ADAMTS18: variants seen among roughly 807,000 people sequenced by gnomAD.
ADAMTS18 encodes ADAM metallopeptidase with thrombospondin type 1 motif 18.
A neutral mutation model predicts 165.9 loss-of-function variants in ADAMTS18; 157 were observed. That is an observed-to-expected ratio of 0.95 (90% confidence interval 0.83 to 1.08). ADAMTS18 has a LOEUF of 1.08. Among genes scored for constraint, ADAMTS18 ranks in the 50% least tolerant of loss-of-function variants. The pLI, the probability that ADAMTS18 is intolerant of heterozygous loss-of-function variation, is 0.00. For synonymous variants in ADAMTS18, 782 were observed against 578.2 expected, an observed-to-expected ratio of 1.35 and a Z score of -5.06; for missense variants, 2,040 against 1,534.0, an observed-to-expected ratio of 1.33 and a Z score of -5.51.
At chr16:77,427,370 T>TA (rs1264084374) in intron 3 of ADAMTS18, among the ~76,000 whole-genome samples, 1 of 152,198 alleles carries the variant, frequency 6.6e-6, no homozygotes, top group African/African-American at 2.4e-5. Context: ...GAAATACAGG[T>TA]AAAAATTTTA....
At chr16:77,399,640 T>C (rs1487944803) in intron 3 of ADAMTS18, among the ~76,000 whole-genome samples, 1 of 152,336 alleles carries the variant, frequency 6.6e-6, no homozygotes, top group Admixed American at 6.5e-5. Flanking sequence ...GAAAACACTA[T>C]ACACTTCATA....
intron 10 of ADAMTS18, among the ~76,000 whole-genome samples, chr16:77,349,524 TAAA>T (rs767997537): frequency 1.4e-5 from 1 of 71,518 alleles, no homozygotes; most frequent in Non-Finnish European, 2.5e-5. Context: ...TCATCTTATG[TAAA>T]AAAAAAAAAA....
At chr16:77,303,445 A>C (rs1265117299) in intron 16 of ADAMTS18, among the ~76,000 whole-genome samples, 1 of 152,310 alleles carries the variant, frequency 6.6e-6, no homozygotes, top group East Asian at 1.9e-4. Flanking sequence ...CCAGTTGTTT[A>C]GGCCAAAATA....
chr16:77,433,016 T>C (rs1006274908), intron 2 of ADAMTS18, among the ~76,000 whole-genome samples: 1 of 152,212 alleles, frequency 6.6e-6, no homozygotes, highest in Non-Finnish European at 1.5e-5. Flanking sequence ...GACATACATA[T>C]TTTACAATAA....
At chr16:77,350,297 G>C (rs1031779360) in intron 10 of ADAMTS18, among the ~76,000 whole-genome samples, 16 of 152,166 alleles carry the variant, frequency 1.1e-4, no homozygotes, top group Non-Finnish European at 2.4e-4. Context: ...GGTTGGGAAA[G>C]GAGGGGAGGA....
intron 16 of ADAMTS18, among the ~76,000 whole-genome samples, chr16:77,302,340 C>CT (rs903574076): frequency 9.2e-5 from 14 of 151,840 alleles, no homozygotes; most frequent in East Asian, 3.9e-4. Flanking sequence ...CTTATTTTGC[C>CT]TTTTTTTTAT....
chr16:77,314,456 T>A (rs903800356), intron 16 of ADAMTS18, among the ~76,000 whole-genome samples: 2 of 151,080 alleles, frequency 1.3e-5, no homozygotes, highest in South Asian at 4.2e-4. Context: ...AAAAAACATA[T>A]ACAAAATTAG....
intron 3 of ADAMTS18, among the ~76,000 whole-genome samples, chr16:77,401,162 G>A (rs1311373825): frequency 6.6e-6 from 1 of 152,044 alleles, no homozygotes; most frequent in Non-Finnish European, 1.5e-5. Context: ...GTCTGAGGCA[G>A]GAGAATTGCT....
chr16:77,340,633 T>C (rs1055916615), intron 11 of ADAMTS18, among the ~76,000 whole-genome samples: 1 of 152,068 alleles, frequency 6.6e-6, no homozygotes, highest in African/African-American at 2.4e-5. Context: ...CAGGATGGAG[T>C]GCAGTGGCAT....
chr16:77,414,410 G>A (rs2057503518), intron 3 of ADAMTS18, among the ~76,000 whole-genome samples: 1 of 152,076 alleles, frequency 6.6e-6, no homozygotes, highest in South Asian at 2.1e-4. Context: ...AGACTCATGT[G>A]AAAAATAAAA....
chr16:77,347,948 G>C (rs536921939), intron 10 of ADAMTS18, among the ~76,000 whole-genome samples: 2 of 152,178 alleles, frequency 1.3e-5, no homozygotes, highest in East Asian at 3.9e-4. Flanking sequence ...CAAAGATATG[G>C]AAGTATTAAT....
chr16:77,354,263 A>G (rs2056597265), intron 9 of ADAMTS18, among the ~76,000 whole-genome samples: 2 of 152,226 alleles, frequency 1.3e-5, no homozygotes, highest in Admixed American at 1.3e-4. Flanking sequence ...TAAAGGTACA[A>G]AATAAACCAG....
At chr16:77,314,306 T>G (rs1035554446) in intron 16 of ADAMTS18, among the ~76,000 whole-genome samples, 3 of 152,044 alleles carry the variant, frequency 2.0e-5, no homozygotes, top group Non-Finnish European at 4.4e-5. Flanking sequence ...TTAATCTATT[T>G]TCTCCATTTT....
intron 2 of ADAMTS18, among the ~76,000 whole-genome samples, chr16:77,434,114 G>T (rs1251178739): frequency 2.0e-5 from 3 of 151,638 alleles, no homozygotes; most frequent in African/African-American, 7.3e-5. Context: ...CTTAGTTAAT[G>T]TCCACTTCCC....
chr16:77,316,223 C>G (rs898009878), intron 16 of ADAMTS18, among the ~76,000 whole-genome samples: 1 of 151,742 alleles, frequency 6.6e-6, no homozygotes, highest in African/African-American at 2.4e-5. Context: ...TACTTCTTGC[C>G]TCTCCAATCA....
rs985518164 is a variant in ADAMTS18 at position 77,399,415 on chromosome 16, T to A, written c.496-31692A>T. 3.3e-5 allele frequency among the ~76,000 whole-genome samples: 5 copies of A among 152,176 alleles called. 1 individual carries two copies. In the South Asian group the frequency reaches 1.0e-3, roughly 32 times the overall value. On this transcript the variant is annotated intron_variant, in intron 3 of 22. Coordinates refer to ENST00000282849, the MANE Select transcript of ADAMTS18 (RefSeq NM_199355.4). Reference sequence around the variant, plus strand: ...TCTTTTTCACTTAAATTCAGGTGAATGAAGCATTTATCTCTTAAAAGAAAG... The same window carrying A: ...TCTTTTTCACTTAAATTCAGGTGAAAGAAGCATTTATCTCTTAAAAGAAAG...
intron 3 of ADAMTS18, among the ~76,000 whole-genome samples, chr16:77,391,724 G>A (rs972989066): frequency 2.6e-5 from 4 of 151,870 alleles, no homozygotes; most frequent in Non-Finnish European, 5.9e-5. Context: ...ATGACAACAA[G>A]AACTACAACT....
rs1567478729 is a variant in ADAMTS18 at position 77,319,911 on chromosome 16, A to G, written c.2470T>C (p.Ser824Pro). ...FAGTTFEYQR[S>P]FNRPERLYAP... ...TACAGACGTTCCGGGCGGTTGAAAG[A>G]GCGCTGGTATTCAAACGTGGTCCCA... Residue 824 changes from serine (S) to proline (P), a missense_variant, in exon 16 of 23, where the codon TCT (serine) becomes CCT (proline). Ser to Pro is a moderately conservative substitution (Grantham distance 74). Transcript: ENST00000282849. The G allele has an allele frequency of 6.2e-7, 1 of 1,614,152 alleles. No individual in the cohort carries two copies. Among genetic ancestry groups the G allele is most frequent in the East Asian group, 2.2e-5 (1 of 44,874 alleles).
intron 17 of ADAMTS18, among the ~76,000 whole-genome samples, chr16:77,299,139 A>T (rs1013413215): frequency 2.6e-5 from 4 of 152,270 alleles, no homozygotes; most frequent in East Asian, 1.9e-4. Flanking sequence ...AAACAGTGTG[A>T]AGAGATGTCT....
Sources: allele counts gnomAD v4.1 joint callset (sites outside exome capture counted in the v4.1 genomes callset), GRCh38; gene constraint gnomAD v4.1.1; transcripts MANE v1.5; gene names NCBI Gene and HGNC (gene_info 2026-07-23, HGNC 2026-07-21).